The following SOAT1 variants were observed in gnomAD, a reference collection of about 807,000 sequenced individuals.
SOAT1 encodes acyl-coenzyme A:cholesterol acyltransferase 1.
In SOAT1, 55 loss-of-function variants were observed where a neutral mutation model predicts 69.5. That is an observed-to-expected ratio of 0.79 (90% CI 0.64 to 0.99). The LOEUF (loss-of-function observed/expected upper bound fraction) is 0.99. SOAT1 is among the 50% of genes least tolerant of loss of function. The pLI is 0.00. For missense variants in SOAT1, 580 were observed against 669.3 expected (o/e 0.87, Z 1.47); for synonymous variants, 231 against 224.7 (o/e 1.03, Z -0.25).
intron 2 of SOAT1, 120 bp from the exon 3 acceptor site, chr1:179,323,317 G>T: frequency 7.0e-6 from 5 of 710,204 alleles, no homozygotes; most frequent in South Asian, 4.2e-5. Flanking sequence ...GTGTTTTATG[G>T]TTGCACCACA....
chr1:179,341,381 G>T, intron 7 of SOAT1, 71 bp downstream of exon 7: 1 of 1,387,332 alleles, frequency 7.2e-7, no homozygotes. Flanking sequence ...ATGACATACT[G>T]ATACTATTAT....
chr1:179,325,453 A>G (rs1278210397), intron 3 of SOAT1, among the ~76,000 whole-genome samples: 1 of 152,140 alleles, frequency 6.6e-6, no homozygotes, highest in Non-Finnish European at 1.5e-5. Flanking sequence ...CGCTCGGCCT[A>G]AAATAAATTT....
Position 179,357,506 on chromosome 1 carries a change from A to T in SOAT1, c.*3865A>T, listed in dbSNP as rs1161438803. Reference sequence around the variant, plus strand: ...ATGAGCCATGCTCCCGGCCAAAGTGAATGTTTTGGGTGAAGTTTATATAAG... The same window carrying T: ...ATGAGCCATGCTCCCGGCCAAAGTGTATGTTTTGGGTGAAGTTTATATAAG... On this transcript the variant is annotated 3_prime_UTR_variant, in exon 16 of 16. Transcript: ENST00000367619. 1 of 152,140 alleles carries T rather than the reference A, an allele frequency of 6.6e-6. No homozygotes were observed. Among genetic ancestry groups the T allele is most frequent in the African/African-American group, 2.4e-5 (1 of 41,418 alleles). The allele number at this position is 152,140 out of a possible 1,614,324, so 9.4% of individuals were successfully genotyped here. A position where few individuals can be genotyped will look rare whatever the true frequency, so the allele number is the denominator to read the frequency against.
At chr1:179,316,593 A>C (rs1454285462) in intron 2 of SOAT1, among the ~76,000 whole-genome samples, 1 of 151,976 alleles carries the variant, frequency 6.6e-6, no homozygotes, top group Non-Finnish European at 1.5e-5. Flanking sequence ...GGGCTTCTCC[A>C]TGTTGGTCAG....
intron 11 of SOAT1, among the ~76,000 whole-genome samples, chr1:179,346,011 A>T (rs1001208470): frequency 2.0e-5 from 3 of 152,190 alleles, no homozygotes; most frequent in Non-Finnish European, 4.4e-5. Flanking sequence ...TTATCTTTAC[A>T]GTCTGGGAGC....
intron 2 of SOAT1, among the ~76,000 whole-genome samples, chr1:179,307,277 T>C (rs1380993018): frequency 1.3e-5 from 2 of 152,148 alleles, no homozygotes; most frequent in Non-Finnish European, 2.9e-5. Context: ...ATGACATGAC[T>C]GTTGTAGATG....
At chr1:179,339,784 T>C (rs533535696) in intron 6 of SOAT1, among the ~76,000 whole-genome samples, 2 of 152,360 alleles carry the variant, frequency 1.3e-5, no homozygotes, top group South Asian at 2.1e-4. Context: ...CTAGGTAATT[T>C]TCCCAAATGG....
chr1:179,331,284 A>G (rs1022614162), intron 3 of SOAT1, among the ~76,000 whole-genome samples: 2 of 152,224 alleles, frequency 1.3e-5, no homozygotes, highest in African/African-American at 4.8e-5. Flanking sequence ...AATGTTTAGC[A>G]GTTCAATTTA....
In SOAT1 at chr1:179,344,897, C is replaced by T. The variant is rs901270278; in HGVS notation, c.988-50C>T. 1.2e-5 allele frequency: 19 copies of T among 1,604,378 alleles called. No individual in the cohort carries two copies. In the African/African-American group the frequency reaches 1.9e-4, roughly 16 times the overall value. On this transcript the variant is annotated intron_variant, in intron 10 of 15. Transcript: ENST00000367619. ...CTTTTGGAGAGAAAAAAATCGCCTT[C>T]CATCTTATTAAGCCATCGTTATTAT...
intron 2 of SOAT1, among the ~76,000 whole-genome samples, chr1:179,322,405 CAG>C (rs1665633195): frequency 6.6e-6 from 1 of 150,992 alleles, no homozygotes; most frequent in Non-Finnish European, 1.5e-5. Flanking sequence ...TTTTTTGAGA[CAG>C]AGTCTCACTC....
chr1:179,323,204 T>C (rs1665666823), intron 2 of SOAT1, among the ~76,000 whole-genome samples: 1 of 152,190 alleles, frequency 6.6e-6, no homozygotes, highest in Non-Finnish European at 1.5e-5. Context: ...ATCTATAGCA[T>C]TGCATAATTA....
chr1:179,316,747 G>C (rs1665410086), intron 2 of SOAT1, among the ~76,000 whole-genome samples: 1 of 152,134 alleles, frequency 6.6e-6, no homozygotes, highest in Non-Finnish European at 1.5e-5. Context: ...TAGAATTTGT[G>C]TCTCTCAACA....
chr1:179,302,362 A>AGG (rs1664859825), intron 1 of SOAT1, among the ~76,000 whole-genome samples: 1 of 152,128 alleles, frequency 6.6e-6, no homozygotes, highest in African/African-American at 2.4e-5. Context: ...GTGTCTAGGG[A>AGG]GGGAACTGGT....
intron 6 of SOAT1, among the ~76,000 whole-genome samples, chr1:179,340,551 AC>A (rs1666297460): frequency 6.6e-6 from 1 of 152,170 alleles, no homozygotes; most frequent in Non-Finnish European, 1.5e-5. Context: ...TGAATTATGT[AC>A]TTTTTTTGAA....
At chr1:179,301,078 C>T (rs955308765) in intron 1 of SOAT1, among the ~76,000 whole-genome samples, 4 of 151,978 alleles carry the variant, frequency 2.6e-5, no homozygotes, top group African/African-American at 4.8e-5. Flanking sequence ...CTGGGCAAAG[C>T]GATACTCCTT....
chr1:179,303,301 ATTAG>A (rs1432149213), intron 2 of SOAT1, among the ~76,000 whole-genome samples: 1 of 152,222 alleles, frequency 6.6e-6, no homozygotes, highest in Admixed American at 6.5e-5. Context: ...AGGGAGTTTT[ATTAG>A]TTCTTGTATC....
chr1:179,317,271 C>T (rs893317612), intron 2 of SOAT1, among the ~76,000 whole-genome samples: 4 of 152,180 alleles, frequency 2.6e-5, no homozygotes, highest in African/African-American at 4.8e-5. Context: ...CGGTGGCTCA[C>T]GCCTATAATC....
intron 14 of SOAT1, 116 bp from the exon 15 acceptor site, chr1:179,351,201 G>C: frequency 1.2e-6 from 1 of 817,916 alleles, no homozygotes; most frequent in Non-Finnish European, 2.0e-6. Flanking sequence ...ACACCACCAC[G>C]CCTGGCTAAT....
Position 179,343,605 on chromosome 1 carries a change from A to G in SOAT1, c.957A>G (p.Arg319=), listed in dbSNP as rs150082325. Residue 319 remains arginine (R), a synonymous_variant, in exon 10 of 16, where the codon AGA becomes AGG. Coordinates refer to ENST00000367619, the MANE Select transcript of SOAT1 (RefSeq NM_003101.6). The part of the protein sequence containing the change: ...RDSYPRNPTV[R]WGYVAMKFAQ... The stretch of plus-strand genomic sequence containing the variant: ...TCTTTTTCAGGAATCCCACTGTAAG[A>G]TGGGGTTATGTCGCTATGAAGTTTG... The G allele has an allele frequency of 2.3e-5, 37 of 1,611,474 alleles. 1 individual carries two copies. In the East Asian group the frequency reaches 8.0e-4, roughly 35 times the overall value.
Sources: allele counts gnomAD v4.1 joint callset (sites outside exome capture counted in the v4.1 genomes callset), GRCh38; gene constraint gnomAD v4.1.1; transcripts MANE v1.5; gene names NCBI Gene and HGNC (gene_info 2026-07-23, HGNC 2026-07-21).